Variants in PRKCA observed in about 807,000 individuals in gnomAD.
PRKCA encodes the protein protein kinase C alpha type.
A neutral mutation model predicts 87.0 loss-of-function variants in PRKCA; 27 were observed. The observed-to-expected ratio is 0.31, with a 90% CI of 0.23 to 0.43. PRKCA has a LOEUF of 0.43. PRKCA is among the 20% of genes least tolerant of loss of function. PRKCA has a pLI of 1.00. For missense variants in PRKCA, 518 were observed against 852.3 expected (o/e 0.61, Z 4.88); for synonymous variants, 329 against 311.1 (o/e 1.06, Z -0.61).
intron 8 of PRKCA, among the ~76,000 whole-genome samples, chr17:66,705,178 A>G (rs866877842): frequency 6.6e-6 from 1 of 152,234 alleles, no homozygotes; most frequent in Admixed American, 6.5e-5. Context: ...GGGGGAAAAA[A>G]ATCTATAAAA....
chr17:66,632,684 G>A (rs1971055286), intron 3 of PRKCA, among the ~76,000 whole-genome samples: 2 of 152,046 alleles, frequency 1.3e-5, no homozygotes, highest in Non-Finnish European at 2.9e-5. Context: ...CTTGTGTTGT[G>A]GCTTGCTGTT....
intron 2 of PRKCA, among the ~76,000 whole-genome samples, chr17:66,327,239 C>T (rs1262136988): frequency 2.0e-5 from 3 of 151,144 alleles, no homozygotes; most frequent in East Asian, 3.9e-4. Flanking sequence ...TGGTGGTGGG[C>T]GCCTGTAGTC....
chr17:66,700,604 C>A (rs1167145037), intron 8 of PRKCA, among the ~76,000 whole-genome samples: 2 of 152,138 alleles, frequency 1.3e-5, no homozygotes, highest in African/African-American at 4.8e-5. Context: ...CAGAAAGTTG[C>A]AGGATACAAA....
intron 3 of PRKCA, among the ~76,000 whole-genome samples, chr17:66,590,559 G>A (rs946905520): frequency 6.6e-6 from 1 of 152,176 alleles, no homozygotes; most frequent in Non-Finnish European, 1.5e-5. Flanking sequence ...ATGTTAAAGA[G>A]GATGCTGGTC....
intron 3 of PRKCA, among the ~76,000 whole-genome samples, chr17:66,560,876 C>T (rs1968658513): frequency 6.6e-6 from 1 of 152,180 alleles, no homozygotes; most frequent in Non-Finnish European, 1.5e-5. Context: ...AGGGCCTGTC[C>T]ACCCTTGCCT....
At chr17:66,343,990 A>C (rs2143374704) in intron 2 of PRKCA, among the ~76,000 whole-genome samples, 1 of 152,154 alleles carries the variant, frequency 6.6e-6, no homozygotes, top group East Asian at 1.9e-4. Context: ...GAAAAAAAAA[A>C]TTGTCAGCAG....
At chr17:66,582,269 G>A (rs1174990416) in intron 3 of PRKCA, among the ~76,000 whole-genome samples, 2 of 152,154 alleles carry the variant, frequency 1.3e-5, no homozygotes, top group African/African-American at 4.8e-5. Flanking sequence ...TGCTACAGGT[G>A]GAATATCCTT....
At chr17:66,484,493 T>A (rs1357237449) in intron 2 of PRKCA, among the ~76,000 whole-genome samples, 1 of 152,208 alleles carries the variant, frequency 6.6e-6, no homozygotes, top group Non-Finnish European at 1.5e-5. Context: ...TTTTGACATA[T>A]GTCATATAAA....
At chr17:66,352,585 G>A (rs1382857087) in intron 2 of PRKCA, among the ~76,000 whole-genome samples, 1 of 29,610 alleles carries the variant, frequency 3.4e-5, no homozygotes, top group Non-Finnish European at 9.9e-5. Context: ...TTTTTTTTGA[G>A]ATGGAGTCTC....
intron 8 of PRKCA, among the ~76,000 whole-genome samples, chr17:66,716,021 C>G (rs1973464442): frequency 6.6e-6 from 1 of 152,224 alleles, no homozygotes; most frequent in Non-Finnish European, 1.5e-5. Context: ...CCACCTTGTG[C>G]TCCCCATTGC....
chr17:66,447,380 G>A (rs1914087181), intron 2 of PRKCA, among the ~76,000 whole-genome samples: 1 of 152,124 alleles, frequency 6.6e-6, no homozygotes, highest in African/African-American at 2.4e-5. Context: ...GAGACTCATG[G>A]GGAGTCCTCT....
chr17:66,361,295 T>C (rs1180173990), intron 2 of PRKCA, among the ~76,000 whole-genome samples: 1 of 150,680 alleles, frequency 6.6e-6, no homozygotes, highest in African/African-American at 2.4e-5. Context: ...TGTAAGTCTT[T>C]CAAAAGACGC....
At chr17:66,507,570 G>A (rs368524370) in intron 3 of PRKCA, among the ~76,000 whole-genome samples, 2 of 152,198 alleles carry the variant, frequency 1.3e-5, no homozygotes, top group East Asian at 1.9e-4. Context: ...GATTAGCAAC[G>A]TGAACTAGTA....
chr17:66,362,729 A>G (rs1285163798), intron 2 of PRKCA, among the ~76,000 whole-genome samples: 1 of 147,230 alleles, frequency 6.8e-6, no homozygotes, highest in Non-Finnish European at 1.5e-5. Flanking sequence ...GTCTCAGTCT[A>G]TATAGCCCAG....
In PRKCA at chr17:66,579,691, C is replaced by T. The variant is rs181973201; in HGVS notation, c.289-61664C>T. Among the ~76,000 whole-genome samples the T allele has an allele frequency of 2.4e-3, 367 of 152,212 alleles. 3 individuals are homozygous for T. Among genetic ancestry groups the T allele is most frequent in the Non-Finnish European group, 2.4e-3 (163 of 68,008 alleles). On this transcript the variant is annotated intron_variant, in intron 3 of 16. Coordinates refer to ENST00000413366, the MANE Select transcript of PRKCA (RefSeq NM_002737.3). The stretch of plus-strand genomic sequence containing the variant: ...ATCTTGCTGGGACCTTGAAAGAGGC[C>T]TTTGTGACTGGAACTGAAACCAGGG...
chr17:66,561,643 G>A (rs1364174158), intron 3 of PRKCA, among the ~76,000 whole-genome samples: 1 of 152,056 alleles, frequency 6.6e-6, no homozygotes, highest in Non-Finnish European at 1.5e-5. Context: ...ATAGATAAGA[G>A]GTAGAAGCAA....
chr17:66,329,273 T>C (rs1013732262), intron 2 of PRKCA, among the ~76,000 whole-genome samples: 14 of 152,176 alleles, frequency 9.2e-5, no homozygotes, highest in Non-Finnish European at 1.8e-4. Flanking sequence ...TTACGTAGCA[T>C]GCTAGAGGAA....
intron 2 of PRKCA, among the ~76,000 whole-genome samples, chr17:66,312,390 T>G (rs1319136496): frequency 6.6e-6 from 1 of 152,240 alleles, no homozygotes; most frequent in Non-Finnish European, 1.5e-5. Context: ...AACTCCTCAC[T>G]TGCTCAATTG....
chr17:66,336,754 T>TTGTGTGTGTGTG (rs148842588), intron 2 of PRKCA, among the ~76,000 whole-genome samples: 16 of 133,664 alleles, frequency 1.2e-4, no homozygotes, highest in African/African-American at 2.8e-4. Context: ...GCAAATAAGT[T>TTGTGTGTGTGTG]TGTGTGTGTG....
Sources: gnomAD v4.1 joint callset for allele counts (sites outside exome capture counted in the v4.1 genomes callset) on GRCh38, gnomAD v4.1.1 for gene constraint, MANE v1.5 for transcripts, NCBI Gene and HGNC (gene_info 2026-07-23, HGNC 2026-07-21) for gene names.